CDC42BPA: variants seen among roughly 807,000 people sequenced by gnomAD.
CDC42BPA encodes serine/threonine-protein kinase MRCK alpha.
A neutral mutation model predicts 223.5 loss-of-function variants in CDC42BPA; 80 were observed. The ratio of observed to expected loss-of-function variants is 0.36; its 90% confidence interval spans 0.30 to 0.43. The LOEUF (loss-of-function observed/expected upper bound fraction) is 0.43. Among genes scored for constraint, CDC42BPA ranks in the 20% least tolerant of loss-of-function variants. The pLI is 1.00. For synonymous variants in CDC42BPA, 694 were observed against 718.6 expected, an observed-to-expected ratio of 0.97 and a Z score of 0.55; for missense variants, 1,743 against 2,099.9, an observed-to-expected ratio of 0.83 and a Z score of 3.32.
chr1:227,062,758 A>G (rs1929865), intron 21 of CDC42BPA, among the ~76,000 whole-genome samples: 149,137 of 151,882 alleles, frequency 0.98, 73,238 homozygotes, highest in East Asian at 1. Context: ...CCATTTCCAC[A>G]TCTGCTTTGT....
intron 16 of CDC42BPA, among the ~76,000 whole-genome samples, chr1:227,085,677 CCTT>C (rs1193689019): frequency 1.2e-4 from 18 of 152,328 alleles, no homozygotes; most frequent in Middle Eastern, 3.4e-3. Flanking sequence ...CCTCCAACCT[CCTT>C]GTCTTCCCAA....
intron 34 of CDC42BPA, among the ~76,000 whole-genome samples, chr1:227,012,279 T>A (rs1284812156): frequency 6.6e-6 from 1 of 152,102 alleles, no homozygotes; most frequent in Non-Finnish European, 1.5e-5. Flanking sequence ...TAGAGAAAAA[T>A]TTGTTCTTTA....
intron 21 of CDC42BPA, 173 bp downstream of exon 21, chr1:227,069,604 T>C (rs1233457072): frequency 2.2e-6 from 1 of 445,908 alleles, no homozygotes; most frequent in African/African-American, 2.0e-5. Flanking sequence ...GGTGGGATTA[T>C]AGTCTCCATA....
chr1:227,100,781 T>C (rs11802356), intron 15 of CDC42BPA, among the ~76,000 whole-genome samples: 31,455 of 149,548 alleles, frequency 0.21, 3,742 homozygotes, highest in African/African-American at 0.29. Context: ...TGTGTGTGCG[T>C]GTGCCATCAT....
intron 5 of CDC42BPA, among the ~76,000 whole-genome samples, chr1:227,164,704 G>A (rs568312883): frequency 3.3e-5 from 5 of 150,308 alleles, no homozygotes; most frequent in East Asian, 2.0e-4. Flanking sequence ...ACACGTGCAC[G>A]CACACACAAA....
At chr1:227,219,892 C>T (rs1437022352) in intron 2 of CDC42BPA, among the ~76,000 whole-genome samples, 1 of 152,138 alleles carries the variant, frequency 6.6e-6, no homozygotes, top group Non-Finnish European at 1.5e-5. Context: ...CTTGAAATAA[C>T]AGAGTTAATT....
chr1:227,094,644 C>T (rs1018754385), intron 15 of CDC42BPA, among the ~76,000 whole-genome samples: 1 of 152,122 alleles, frequency 6.6e-6, no homozygotes, highest in Non-Finnish European at 1.5e-5. Context: ...AGGGTGTTAC[C>T]CCAAGGTGGG....
chr1:227,235,145 A>G (rs1678761682), intron 2 of CDC42BPA: 1 of 152,208 alleles, frequency 6.6e-6, no homozygotes, highest in Non-Finnish European at 1.5e-5. Flanking sequence ...AGGGTCCAAC[A>G]TGACACCAAA....
chr1:227,248,693 T>C (rs1681431650), intron 2 of CDC42BPA, among the ~76,000 whole-genome samples: 1 of 151,870 alleles, frequency 6.6e-6, no homozygotes, highest in Non-Finnish European at 1.5e-5. Context: ...TGTGTATTTT[T>C]TAATTGAAGT....
chr1:227,028,637 CG>C lies in CDC42BPA; in HGVS notation c.4432+19del. 1 of 1,437,014 alleles carries C rather than the reference CG, an allele frequency of 7.0e-7. No homozygotes were observed. The highest frequency in any genetic ancestry group is 9.5e-7 in the Non-Finnish European group (1 of 1,052,982). The allele number at this position is 1,437,014 out of a possible 1,614,324, so 89.0% of individuals were successfully genotyped here. A position where few individuals can be genotyped will look rare whatever the true frequency, so the allele number is the denominator to read the frequency against. ...AGAAGAGATATAAAGATAAGACAGCCGTAAGAAAGAGAATCTTACAACAAGA... is the reference window on the plus strand; with the variant it reads ...AGAAGAGATATAAAGATAAGACAGCCTAAGAAAGAGAATCTTACAACAAGA... On this transcript the variant is annotated intron_variant, in intron 30 of 36. Transcript: ENST00000366766.
intron 1 of CDC42BPA, among the ~76,000 whole-genome samples, chr1:227,261,124 C>CTTTCTTTTTTT (rs386417862): frequency 1.7e-5 from 2 of 121,002 alleles, no homozygotes; most frequent in African/African-American, 6.4e-5. Flanking sequence ...TTGAGTTTTT[C>CTTTCTTTTTTT]TTTTTTTTTG....
At chr1:227,051,739 A>G (rs539255077) in intron 22 of CDC42BPA, 142 bp downstream of exon 22, 24 of 390,838 alleles carry the variant, frequency 6.1e-5, no homozygotes, top group African/African-American at 5.0e-4. Flanking sequence ...TACCTACATT[A>G]TCAGTTAAAT....
intron 35 of CDC42BPA, among the ~76,000 whole-genome samples, chr1:226,996,056 C>T (rs1661533580): frequency 1.3e-5 from 2 of 152,222 alleles, no homozygotes; most frequent in African/African-American, 2.4e-5. Context: ...CAAGAGCCTG[C>T]CTGGGCAGAC....
At chr1:227,149,153 C>T (rs1194955145) in intron 6 of CDC42BPA, among the ~76,000 whole-genome samples, 2 of 152,156 alleles carry the variant, frequency 1.3e-5, no homozygotes, top group African/African-American at 2.4e-5. Flanking sequence ...AAAGCAGAGA[C>T]GGACAAGACA....
chr1:227,270,944 T>G (rs575269922), intron 1 of CDC42BPA, among the ~76,000 whole-genome samples: 5 of 152,220 alleles, frequency 3.3e-5, no homozygotes, highest in Non-Finnish European at 7.3e-5. Context: ...CTCCACTGTA[T>G]GCTTATGCTA....
intron 23 of CDC42BPA, among the ~76,000 whole-genome samples, chr1:227,047,633 T>G (rs1340317257): frequency 2.0e-5 from 3 of 152,200 alleles, no homozygotes; most frequent in African/African-American, 7.2e-5. Context: ...CAGTCTCAGA[T>G]TCTTCCACAA....
At chr1:227,055,940 A>G (rs543942630) in intron 21 of CDC42BPA, among the ~76,000 whole-genome samples, 1 of 152,172 alleles carries the variant, frequency 6.6e-6, no homozygotes, top group South Asian at 2.1e-4. Context: ...TACTGTCCAT[A>G]CTGCAAAACA....
intron 3 of CDC42BPA, among the ~76,000 whole-genome samples, chr1:227,212,343 GA>G (rs1558776978): frequency 6.6e-6 from 1 of 152,024 alleles, no homozygotes. Flanking sequence ...TTCTAAAGGC[GA>G]ATTTGTCATT....
In CDC42BPA at chr1:227,193,819, A is replaced by G. The variant is rs1411633274; in HGVS notation, c.566T>C (p.Ile189Thr). The change falls in exon 5 of 37, where the codon ATT becomes ACT. Residue 189 changes from isoleucine to threonine, a missense_variant. By Grantham distance (89) the Ile-to-Thr change is moderately conservative. This residue lies in a region of CDC42BPA where 321 missense variants were observed against 488.7 expected (regional missense o/e 0.66). Transcript: ENST00000366766. ...RFYLAEMVIA[I>T]DSVHQLHYVH... ...ATAATGTAGCTGATGAACTGAGTCA[A>G]TTGCTATCACCATCTCAGCCAAGTA... 1.2e-6 allele frequency: 2 copies of G among 1,613,086 alleles called. No homozygotes were observed. The highest frequency in any genetic ancestry group is 8.5e-7 in the Non-Finnish European group (1 of 1,179,606).
Sources: allele counts gnomAD v4.1 joint callset (sites outside exome capture counted in the v4.1 genomes callset), GRCh38; gene constraint gnomAD v4.1.1; regional missense constraint gnomAD v4.1.1; transcripts MANE v1.5; gene names NCBI Gene and HGNC (gene_info 2026-07-23, HGNC 2026-07-21).